The following FRAS1 variants were observed in gnomAD, a reference collection of about 807,000 sequenced individuals.
FRAS1 encodes the protein extracellular matrix organizing protein FRAS1.
FRAS1 carries 290 observed loss-of-function variants against 435.2 expected under a neutral mutation model. The observed-to-expected ratio is 0.67, with a 90% CI of 0.61 to 0.73. The LOEUF is 0.73. Ranked by LOEUF, FRAS1 falls within the 30% of genes least tolerant of loss-of-function variation. The pLI is 0.00. For missense variants in FRAS1, 4,860 were observed against 5,001.5 expected (o/e 0.97, Z 0.85); for synonymous variants, 1,800 against 1,851.0 (o/e 0.97, Z 0.71).
At chr4:78,114,793 C>T (rs1214503550) in intron 2 of FRAS1, among the ~76,000 whole-genome samples, 2 of 152,244 alleles carry the variant, frequency 1.3e-5, no homozygotes, top group African/African-American at 4.8e-5. Context: ...ATGTGACTTC[C>T]TCTTTTCCTA....
chr4:78,274,977 G>T (rs181708961), intron 9 of FRAS1, among the ~76,000 whole-genome samples: 3,386 of 152,250 alleles, frequency 0.022, 60 homozygotes, highest in Non-Finnish European at 0.032. Context: ...CTAAGGACTT[G>T]CTTTATGAAT....
chr4:78,072,962 A>G (rs1740433950), intron 2 of FRAS1, among the ~76,000 whole-genome samples: 1 of 152,102 alleles, frequency 6.6e-6, no homozygotes, highest in South Asian at 2.1e-4. Context: ...TCACCTGTGG[A>G]TAGAAGGTTA....
At chr4:78,518,800 G>A (rs906068452) in intron 66 of FRAS1, among the ~76,000 whole-genome samples, 7 of 152,184 alleles carry the variant, frequency 4.6e-5, no homozygotes, top group South Asian at 4.2e-4. Flanking sequence ...TCAATGCTCC[G>A]GCCCTTTGTT....
intron 59 of FRAS1, 73 bp from the exon 60 acceptor site, chr4:78,496,732 T>C: frequency 7.2e-7 from 1 of 1,382,918 alleles, no homozygotes; most frequent in Non-Finnish European, 1.0e-6. Context: ...AGAAAGATAG[T>C]TTTCTAGGAA....
chr4:78,342,553 A>ATT (rs1309018916), intron 20 of FRAS1, among the ~76,000 whole-genome samples: 1 of 150,904 alleles, frequency 6.6e-6, no homozygotes, highest in African/African-American at 2.4e-5. Flanking sequence ...ATTAGAAAAA[A>ATT]TTTTTTTTTT....
intron 14 of FRAS1, among the ~76,000 whole-genome samples, chr4:78,290,441 TTTTC>T (rs1200140683): frequency 1.9e-4 from 28 of 149,590 alleles, no homozygotes; most frequent in Middle Eastern, 3.4e-3. Flanking sequence ...TGGTTTCTTT[TTTTC>T]TTTCTTTCTT....
chr4:78,275,514 T>C (rs1306808714), intron 9 of FRAS1, among the ~76,000 whole-genome samples: 1 of 152,200 alleles, frequency 6.6e-6, no homozygotes, highest in Non-Finnish European at 1.5e-5. Flanking sequence ...GGCCTGGTGG[T>C]GACAAAATCT....
At chr4:78,251,939 C>CAGAA (rs1395058689) in intron 4 of FRAS1, among the ~76,000 whole-genome samples, 3 of 144,064 alleles carry the variant, frequency 2.1e-5, no homozygotes, top group Non-Finnish European at 4.6e-5. Context: ...GAGAGAGAGA[C>CAGAA]AGAAAGGGGG....
intron 2 of FRAS1, among the ~76,000 whole-genome samples, chr4:78,227,615 G>A (rs111342400): frequency 1.5e-3 from 225 of 152,368 alleles, no homozygotes; most frequent in Non-Finnish European, 2.4e-3. Flanking sequence ...GCTAGAGGAA[G>A]AGTTAGGGAT....
At chr4:78,380,109 A>G in intron 27 of FRAS1, 113 bp downstream of exon 27, 1 of 1,184,204 alleles carries the variant, frequency 8.4e-7, no homozygotes, top group Non-Finnish European at 1.2e-6. Context: ...CATCTGGGGA[A>G]GATCAATACT....
chr4:78,145,282 G>A (rs117200299), intron 2 of FRAS1, among the ~76,000 whole-genome samples: 1 of 152,122 alleles, frequency 6.6e-6, no homozygotes, highest in Non-Finnish European at 1.5e-5. Flanking sequence ...CACAGAAGGG[G>A]CAGTGATTGG....
chr4:78,126,789 T>C (rs1719381846), intron 2 of FRAS1, among the ~76,000 whole-genome samples: 1 of 152,144 alleles, frequency 6.6e-6, no homozygotes, highest in African/African-American at 2.4e-5. Context: ...AGGAAGAAAG[T>C]GTTATTGATA....
At chr4:78,157,107 A>G (rs1720923727) in intron 2 of FRAS1, among the ~76,000 whole-genome samples, 1 of 152,162 alleles carries the variant, frequency 6.6e-6, no homozygotes, top group Non-Finnish European at 1.5e-5. Context: ...TAATTCACCT[A>G]GGACAATGGC....
intron 3 of FRAS1, among the ~76,000 whole-genome samples, chr4:78,244,201 T>C (rs1276221101): frequency 6.6e-6 from 1 of 152,062 alleles, no homozygotes; most frequent in Non-Finnish European, 1.5e-5. Context: ...CTCTTGTAGG[T>C]ACAATTTTTT....
At chr4:78,361,765 A>G (rs1685697918) in intron 20 of FRAS1, among the ~76,000 whole-genome samples, 1 of 152,170 alleles carries the variant, frequency 6.6e-6, no homozygotes, top group Admixed American at 6.5e-5. Flanking sequence ...GAAACAAGAC[A>G]TTTTGGGGCC....
At chr4:78,100,550 C>G (rs1034587640) in intron 2 of FRAS1, among the ~76,000 whole-genome samples, 3 of 152,224 alleles carry the variant, frequency 2.0e-5, no homozygotes, top group Non-Finnish European at 4.4e-5. Flanking sequence ...ACAAATACTT[C>G]CAGGCAGGGA....
At chr4:78,357,246 C>T (rs1445472269) in intron 20 of FRAS1, among the ~76,000 whole-genome samples, 1 of 152,128 alleles carries the variant, frequency 6.6e-6, no homozygotes, top group Non-Finnish European at 1.5e-5. Flanking sequence ...TTCATGGCAC[C>T]CTATCATTAT....
intron 58 of FRAS1, among the ~76,000 whole-genome samples, chr4:78,483,148 G>A (rs182803888): frequency 4.6e-5 from 7 of 152,298 alleles, no homozygotes; most frequent in Non-Finnish European, 8.8e-5. Flanking sequence ...GTTCTGAGAG[G>A]CATTGTGATC....
rs566824936 is a variant in FRAS1 at position 78,373,404 on chromosome 4, GA to G, written c.3010+549del. On this transcript the variant is annotated intron_variant, in intron 24 of 73. Transcript: ENST00000512123. Reference sequence around the variant, plus strand: ...ACTGAAAACTGACTTGATGAACCACGAAAGGTTGACATTTCAGCAAAACAGT... The same window carrying G: ...ACTGAAAACTGACTTGATGAACCACGAAGGTTGACATTTCAGCAAAACAGT... Among the ~76,000 whole-genome samples the G allele has an allele frequency of 8.9e-4, 134 of 150,920 alleles. 2 individuals carry two copies. Among genetic ancestry groups the G allele is most frequent in the Middle Eastern group, 3.5e-3 (1 of 284 alleles).
Sources: allele counts gnomAD v4.1 joint callset (sites outside exome capture counted in the v4.1 genomes callset), GRCh38; gene constraint gnomAD v4.1.1; transcripts MANE v1.5; gene names NCBI Gene and HGNC (gene_info 2026-07-23, HGNC 2026-07-21).